Variants in KLHL13 observed in about 807,000 individuals in gnomAD.
KLHL13 encodes kelch-like protein 13.
In KLHL13, 10 loss-of-function variants were observed where a neutral mutation model predicts 37.1. The ratio of observed to expected loss-of-function variants is 0.27; its 90% CI spans 0.17 to 0.46. The LOEUF (loss-of-function observed/expected upper bound fraction) is 0.46. Ranked by LOEUF, KLHL13 falls within the 20% of genes least tolerant of loss-of-function variation. KLHL13 has a pLI of 1.00. For missense variants in KLHL13, 360 were observed against 509.3 expected, an observed-to-expected ratio of 0.71 and a Z score of 2.82; for synonymous variants, 163 against 181.2, an observed-to-expected ratio of 0.90 and a Z score of 0.81.
chrX:117,997,154 C>T lies in KLHL13; in HGVS notation c.-55-51579G>A, dbSNP rs1054796887. On this transcript the variant is annotated intron_variant, in intron 1 of 6. Transcript: ENST00000371882. ...TTGACAGGATACTTTGCATTCAAAGCGTAACCACCTCTAATTTAAATAGTA... is the reference window on the plus strand; with the variant it reads ...TTGACAGGATACTTTGCATTCAAAGTGTAACCACCTCTAATTTAAATAGTA... Among the ~76,000 whole-genome samples, 6 of 107,751 alleles carry T rather than the reference C, an allele frequency of 5.6e-5. No homozygotes were observed. In the South Asian group the frequency reaches 1.1e-3, roughly 21 times the overall value. The allele number at this position is 107,751 out of a possible 115,157, so 93.6% of individuals were successfully genotyped here. A position where few individuals can be genotyped will look rare whatever the true frequency, so the allele number is the denominator to read the frequency against.
intron 1 of KLHL13, among the ~76,000 whole-genome samples, chrX:118,086,419 G>C (rs1261939974): frequency 9.0e-6 from 1 of 111,149 alleles, no homozygotes; most frequent in Middle Eastern, 4.2e-3. Flanking sequence ...AAATGTTCTA[G>C]AATCAGATCA....
At chrX:117,982,811 T>C (rs2053677831) in intron 1 of KLHL13, among the ~76,000 whole-genome samples, 1 of 111,744 alleles carries the variant, frequency 8.9e-6, no homozygotes, top group African/African-American at 3.3e-5. Flanking sequence ...AGTAAGATTG[T>C]CTTCTTTCTC....
At chrX:118,085,751 A>G (rs753611466) in intron 1 of KLHL13, among the ~76,000 whole-genome samples, 1 of 108,966 alleles carries the variant, frequency 9.2e-6, no homozygotes, top group African/African-American at 3.3e-5. Flanking sequence ...CAATTGCTGC[A>G]AAAGACATTA....
chrX:118,004,467 A>G (rs1349735829), intron 1 of KLHL13, among the ~76,000 whole-genome samples: 2 of 111,599 alleles, frequency 1.8e-5, no homozygotes, highest in Non-Finnish European at 3.8e-5. Flanking sequence ...GAATGTAATG[A>G]AGCACTCAGA....
chrX:118,094,736 C>T (rs1312668661), intron 1 of KLHL13, among the ~76,000 whole-genome samples: 3 of 110,674 alleles, frequency 2.7e-5, no homozygotes, highest in African/African-American at 9.9e-5. Context: ...GGCCAATATT[C>T]GACATTCTTA....
chrX:117,943,496 C>T (rs1267109646), intron 2 of KLHL13, among the ~76,000 whole-genome samples: 1 of 110,038 alleles, frequency 9.1e-6, no homozygotes, highest in Non-Finnish European at 1.9e-5. Context: ...TTCATATAGT[C>T]CCATATTTCT....
intron 1 of KLHL13, among the ~76,000 whole-genome samples, chrX:118,100,382 A>C (rs2055274463): frequency 9.0e-6 from 1 of 111,697 alleles, no homozygotes; most frequent in Admixed American, 9.6e-5. Context: ...TGTCATGACT[A>C]ATACATATGC....
intron 1 of KLHL13, among the ~76,000 whole-genome samples, chrX:117,965,009 T>C (rs5956826): frequency 0.16 from 18,331 of 111,459 alleles, 2,084 homozygotes; most frequent in African/African-American, 0.41. Flanking sequence ...TGGGTTGGTT[T>C]CAAGTCTTTG....
At chrX:118,090,584 T>A (rs776059406) in intron 1 of KLHL13, among the ~76,000 whole-genome samples, 74 of 111,336 alleles carry the variant, frequency 6.6e-4, no homozygotes, top group African/African-American at 2.1e-3. Context: ...TGAGATACCA[T>A]CTCACACCAG....
chrX:118,069,936 G>A (rs1021903000), intron 1 of KLHL13, among the ~76,000 whole-genome samples: 1 of 111,990 alleles, frequency 8.9e-6, no homozygotes, highest in Non-Finnish European at 1.9e-5. Flanking sequence ...AATGCCCTAT[G>A]CAGGTGTACC....
At chrX:117,991,373 G>A (rs1197389721) in intron 1 of KLHL13, among the ~76,000 whole-genome samples, 2 of 110,464 alleles carry the variant, frequency 1.8e-5, no homozygotes, top group African/African-American at 6.6e-5. Context: ...CATGAAAAAT[G>A]GTAACCAGAA....
chrX:117,974,711 A>G (rs967354940), upstream of KLHL13, among the ~76,000 whole-genome samples: 5 of 112,150 alleles, frequency 4.5e-5, no homozygotes, highest in Admixed American at 1.9e-4. Flanking sequence ...ACATATATGT[A>G]CATGCAGTAT....
chrX:118,087,577 T>C (rs1373563148), intron 1 of KLHL13, among the ~76,000 whole-genome samples: 1 of 111,196 alleles, frequency 9.0e-6, no homozygotes, highest in East Asian at 2.8e-4. Flanking sequence ...CCTCTTTATC[T>C]AAAAGAGTCT....
At chrX:118,096,880 G>A (rs920184731) in intron 1 of KLHL13, among the ~76,000 whole-genome samples, 5 of 111,284 alleles carry the variant, frequency 4.5e-5, no homozygotes, top group East Asian at 5.6e-4. Context: ...ATTCAGCAAC[G>A]CTTCATGCTA....
chrX:117,947,341 T>C (rs143466226), intron 1 of KLHL13: 2 of 112,092 alleles, frequency 1.8e-5, no homozygotes, highest in East Asian at 5.6e-4. Context: ...ACTTAATATA[T>C]GTCCTCTGAA....
At chrX:118,046,339 A>T (rs1390628578) in intron 1 of KLHL13, among the ~76,000 whole-genome samples, 3 of 112,135 alleles carry the variant, frequency 2.7e-5, no homozygotes, top group Non-Finnish European at 5.6e-5. Flanking sequence ...CTAAAAATTA[A>T]AATGATTGAA....
chrX:118,094,995 T>G (rs1435779546), intron 1 of KLHL13, among the ~76,000 whole-genome samples: 100 of 111,084 alleles, frequency 9.0e-4, no homozygotes, highest in Non-Finnish European at 1.2e-3. Flanking sequence ...ACGAGCAAAA[T>G]AACCAGCTAA....
intron 1 of KLHL13, among the ~76,000 whole-genome samples, chrX:117,956,141 C>T (rs1426150011): frequency 8.9e-6 from 1 of 111,910 alleles, no homozygotes; most frequent in African/African-American, 3.2e-5. Context: ...ACAAAAATTG[C>T]TCTACCAAAA....
rs747735991 is a variant in KLHL13, at chrX:118,047,057, T to C, written c.-56+69451A>G. Among the ~76,000 whole-genome samples the C allele has an allele frequency of 2.5e-4, 28 of 111,815 alleles. No homozygotes were observed. The South Asian group carries it at 0.01, about 42-fold the overall frequency. On this transcript the variant is annotated intron_variant, in intron 1 of 6. Transcript: ENST00000371882. ...GCAGGGAGTTACTCTGGGGTAAAGA[T>C]GGCCTTTCAAACAAGTAAGAGAAGG...
Sources: gnomAD v4.1 joint callset for allele counts (sites outside exome capture counted in the v4.1 genomes callset) on GRCh38, gnomAD v4.1.1 for gene constraint, MANE v1.5 for transcripts, NCBI Gene and HGNC (gene_info 2026-07-23, HGNC 2026-07-21) for gene names.